The following RELN variants were observed in gnomAD, a reference collection of about 807,000 sequenced individuals.
RELN encodes the protein reelin.
In RELN, 108 loss-of-function variants were observed where a neutral mutation model predicts 427.6. That is an observed-to-expected ratio of 0.25 (90% CI 0.22 to 0.30). RELN has a LOEUF of 0.30. RELN is among the 10% of genes least tolerant of loss of function. The probability of loss-of-function intolerance (pLI) is 1.00; values close to 1 mark genes in which losing one functional copy is unlikely to be tolerated. For missense variants in RELN, 3,715 were observed against 4,302.8 expected, an observed-to-expected ratio of 0.86 and a Z score of 3.82; for synonymous variants, 1,524 against 1,513.4, an observed-to-expected ratio of 1.01 and a Z score of -0.16.
At chr7:103,482,000 GA>G (rs955229252) in intron 63 of RELN, 4 of 152,164 alleles carry the variant, frequency 2.6e-5, no homozygotes, top group African/African-American at 7.2e-5. Context: ...GTGCCTCAGT[GA>G]AAACTAAGAC....
intron 42 of RELN, among the ~76,000 whole-genome samples, chr7:103,543,894 C>T (rs1392370511): frequency 6.6e-6 from 1 of 152,136 alleles, no homozygotes; most frequent in Non-Finnish European, 1.5e-5. Flanking sequence ...GAAAGGAAAC[C>T]CTGTGCCTGT....
At chr7:103,942,762 A>C (rs1426790546) in intron 1 of RELN, among the ~76,000 whole-genome samples, 2 of 152,100 alleles carry the variant, frequency 1.3e-5, no homozygotes, top group African/African-American at 4.8e-5. Context: ...AAATACAAAA[A>C]TTAGCTGGGA....
At chr7:103,718,773 T>C (rs1183080452) in intron 8 of RELN, among the ~76,000 whole-genome samples, 1 of 152,190 alleles carries the variant, frequency 6.6e-6, no homozygotes. Flanking sequence ...ACAAGATAGA[T>C]TTGTCTGGCA....
Position 103,697,910 on chromosome 7 carries a change from A to G in RELN, c.1086T>C (p.Asp362=). 1 of 1,613,784 alleles carries G rather than the reference A, an allele frequency of 6.2e-7. No homozygotes were observed. Among genetic ancestry groups the G allele is most frequent in the Non-Finnish European group, 8.5e-7 (1 of 1,179,824 alleles). The change falls in exon 10 of 65, where the codon GAT becomes GAC. Residue 362 remains aspartate (D), a synonymous_variant. Transcript: ENST00000428762. ...TGCCTGTGTCCACTGGGTCGAGACT[A>G]TCTTCTAAAACGACTTGTCTGTGAG... is the stretch of plus-strand genomic sequence containing the variant. ...NSAHRQVVLE[D]SLDPVDTGNW...
chr7:103,912,427 G>T (rs949408400), intron 2 of RELN, among the ~76,000 whole-genome samples: 16 of 151,994 alleles, frequency 1.1e-4, no homozygotes, highest in Admixed American at 6.6e-4. Flanking sequence ...CTTGTGATCT[G>T]CCCCACTTGG....
chr7:103,819,941 C>A (rs979646415), intron 3 of RELN, among the ~76,000 whole-genome samples: 2 of 151,836 alleles, frequency 1.3e-5, no homozygotes, highest in African/African-American at 4.8e-5. Context: ...TATCCAAGAT[C>A]TTTAAACAGA....
chr7:103,883,761 A>C (rs1461007871), intron 2 of RELN, among the ~76,000 whole-genome samples: 3 of 152,130 alleles, frequency 2.0e-5, no homozygotes, highest in African/African-American at 7.2e-5. Context: ...GAACAATAAA[A>C]CACTGCTCAA....
rs1311531869 is a variant in RELN, at chr7:103,810,661, G to GA, written c.473+22875dup. The stretch of plus-strand genomic sequence containing the variant: ...GGAGACAGATTACCCTTCCTTGCAG[G>GA]AAAAAAAAAACAAAAACAAAAAACC... On this transcript the variant is annotated intron_variant, in intron 3 of 64. Transcript: ENST00000428762. 7.7e-4 allele frequency among the ~76,000 whole-genome samples: 113 copies of GA among 146,830 alleles called. 1 individual carries two copies. The highest frequency in any genetic ancestry group is 1.0e-3 in the African/African-American group (42 of 40,088).
At chr7:103,728,951 A>G (rs1244163561) in intron 6 of RELN, among the ~76,000 whole-genome samples, 1 of 152,166 alleles carries the variant, frequency 6.6e-6, no homozygotes, top group African/African-American at 2.4e-5. Context: ...TATAAAACGA[A>G]GTGGTTATTA....
At chr7:103,672,035 G>C (rs1833404199) in intron 11 of RELN, among the ~76,000 whole-genome samples, 2 of 152,034 alleles carry the variant, frequency 1.3e-5, no homozygotes, top group Admixed American at 6.6e-5. Flanking sequence ...CATCTGGATA[G>C]GATGAATTAA....
At chr7:103,658,297 G>C (rs989484891) in intron 12 of RELN, among the ~76,000 whole-genome samples, 1 of 152,136 alleles carries the variant, frequency 6.6e-6, no homozygotes, top group African/African-American at 2.4e-5. Flanking sequence ...GTCAGGGCCT[G>C]AGAGGGAGAG....
At chr7:103,751,995 A>G (rs1266649768) in intron 5 of RELN, among the ~76,000 whole-genome samples, 1 of 152,218 alleles carries the variant, frequency 6.6e-6, no homozygotes, top group East Asian at 1.9e-4. Flanking sequence ...AAATGAGAAA[A>G]TTAACGCTTA....
chr7:103,547,857 G>C (rs1830333814), intron 41 of RELN, among the ~76,000 whole-genome samples: 1 of 152,108 alleles, frequency 6.6e-6, no homozygotes, highest in Non-Finnish European at 1.5e-5. Flanking sequence ...CACTTGCCTT[G>C]ACACAGAAAC....
intron 3 of RELN, among the ~76,000 whole-genome samples, chr7:103,828,188 A>G (rs1793187838): frequency 6.6e-6 from 1 of 152,008 alleles, no homozygotes; most frequent in Non-Finnish European, 1.5e-5. Flanking sequence ...CTCACCAAAA[A>G]TTAAAGGCAT....
At chr7:103,535,049 A>G (rs1330012878) in intron 46 of RELN, among the ~76,000 whole-genome samples, 1 of 152,172 alleles carries the variant, frequency 6.6e-6, no homozygotes, top group Non-Finnish European at 1.5e-5. Flanking sequence ...TGATGCAGCC[A>G]CTGTTTTCTT....
intron 13 of RELN, 74 bp downstream of exon 13, chr7:103,654,019 C>T: frequency 2.4e-6 from 2 of 847,182 alleles, no homozygotes; most frequent in Non-Finnish European, 4.2e-6. Context: ...CTGGAGTGGT[C>T]TTTGTGGTTT....
intron 51 of RELN, among the ~76,000 whole-genome samples, chr7:103,506,633 C>A (rs1165791602): frequency 7.7e-6 from 1 of 129,262 alleles, no homozygotes; most frequent in African/African-American, 3.8e-5. Context: ...ACCATTGATG[C>A]TTTGGATAAA....
intron 50 of RELN, among the ~76,000 whole-genome samples, chr7:103,512,082 G>A (rs1415384270): frequency 6.6e-6 from 1 of 152,104 alleles, no homozygotes; most frequent in Non-Finnish European, 1.5e-5. Context: ...GTCAACCATA[G>A]ACACTATGTC....
In RELN at chr7:103,989,113, A is replaced by G. The variant is rs1408000213; in HGVS notation, c.226+18T>C. On this transcript the variant is annotated intron_variant, in intron 1 of 64. Transcript: ENST00000428762. This position sits in a 1 kb window ranked among gnomAD's most constrained non-coding sequence, Gnocchi z 4.9. ...GCGCACCCGGCGGCGGCGAGCGCGG[A>G]GGTGCTGCGGTACCTACCATGGTAT... The G allele has an allele frequency of 1.2e-6, 2 of 1,608,954 alleles. No individual in the cohort carries two copies. The highest frequency in any genetic ancestry group is 1.7e-6 in the Non-Finnish European group (2 of 1,176,348).
Sources: allele counts gnomAD v4.1 joint callset (sites outside exome capture counted in the v4.1 genomes callset), GRCh38; gene constraint gnomAD v4.1.1; non-coding constraint Gnocchi (gnomAD v3.1); transcripts MANE v1.5; gene names NCBI Gene and HGNC (gene_info 2026-07-23, HGNC 2026-07-21).